GRM7: variants seen among roughly 807,000 people sequenced by gnomAD.
The protein encoded by GRM7 is glutamate metabotropic receptor 7.
A neutral mutation model predicts 84.5 loss-of-function variants in GRM7; 35 were observed. The ratio of observed to expected loss-of-function variants is 0.41; its 90% CI spans 0.32 to 0.55. The LOEUF (loss-of-function observed/expected upper bound fraction) is 0.55. Ranked by LOEUF, GRM7 falls within the 20% of genes least tolerant of loss-of-function variation. The pLI is 0.19. For missense variants in GRM7, 1,003 were observed against 1,194.6 expected (o/e 0.84, Z 2.36); for synonymous variants, 487 against 455.1 (o/e 1.07, Z -0.89).
intron 4 of GRM7, among the ~76,000 whole-genome samples, chr3:7,324,541 G>C (rs1185015864): frequency 6.6e-6 from 1 of 152,112 alleles, no homozygotes; most frequent in Non-Finnish European, 1.5e-5. Context: ...CCATATGCCA[G>C]AGTAAAAGGT....
At chr3:7,554,285 G>T (rs1693647108) in intron 7 of GRM7, among the ~76,000 whole-genome samples, 1 of 152,162 alleles carries the variant, frequency 6.6e-6, no homozygotes, top group African/African-American at 2.4e-5. Context: ...TCACACTGGG[G>T]AGGAAACTCT....
chr3:7,471,513 G>A (rs551845156), intron 7 of GRM7, among the ~76,000 whole-genome samples: 10 of 152,204 alleles, frequency 6.6e-5, no homozygotes, highest in South Asian at 2.1e-4. Flanking sequence ...CTCAAAGCTG[G>A]CAATGGCAGG....
At chr3:7,306,032 T>C (rs1272667810) in intron 3 of GRM7, among the ~76,000 whole-genome samples, 2 of 152,228 alleles carry the variant, frequency 1.3e-5, no homozygotes, top group East Asian at 3.8e-4. Context: ...CTGTTTATTT[T>C]AATAAATAAT....
chr3:7,045,198 C>T (rs990701357), intron 1 of GRM7, among the ~76,000 whole-genome samples: 2 of 152,132 alleles, frequency 1.3e-5, no homozygotes, highest in African/African-American at 4.8e-5. Flanking sequence ...ACAAAATCTC[C>T]ATGGTATAAC....
At chr3:6,919,768 T>G (rs1239829333) in intron 1 of GRM7, among the ~76,000 whole-genome samples, 1 of 152,188 alleles carries the variant, frequency 6.6e-6, no homozygotes, top group African/African-American at 2.4e-5. Flanking sequence ...TTCTAAATTA[T>G]TTAATTTTTG....
chr3:7,198,636 G>T (rs867083588), intron 2 of GRM7, among the ~76,000 whole-genome samples: 3 of 152,228 alleles, frequency 2.0e-5, no homozygotes, highest in Middle Eastern at 3.4e-3. Flanking sequence ...GCCTATGTTG[G>T]GCAAAATTAT....
At chr3:7,177,807 C>T (rs1695204977) in intron 2 of GRM7, among the ~76,000 whole-genome samples, 2 of 152,130 alleles carry the variant, frequency 1.3e-5, no homozygotes, top group African/African-American at 4.8e-5. Context: ...TTATCATTAC[C>T]TATAACTTAC....
chr3:7,119,865 C>T (rs113489723), intron 1 of GRM7, among the ~76,000 whole-genome samples: 19 of 152,130 alleles, frequency 1.2e-4, no homozygotes, highest in African/African-American at 3.9e-4. Context: ...AAATTATGGG[C>T]GCTTCTGATT....
rs188590895 is a variant in GRM7 at position 7,409,236 on chromosome 3, T to C, written c.1034-5787T>C. ...TTTCAGCATTCTCTTGGTTCTGATA[T>C]TTTTCTGTATGAACTTTAAAAGCAA... On this transcript the variant is annotated intron_variant, in intron 4 of 9. Coordinates refer to ENST00000357716, the MANE Select transcript of GRM7 (RefSeq NM_000844.4). Among the ~76,000 whole-genome samples the C allele has an allele frequency of 9.0e-4, 137 of 152,324 alleles. 1 individual carries two copies. The highest frequency in any genetic ancestry group is 5.0e-4 in the Non-Finnish European group (34 of 68,028).
intron 1 of GRM7, among the ~76,000 whole-genome samples, chr3:6,877,661 T>G (rs1574958172): frequency 6.6e-6 from 1 of 152,164 alleles, no homozygotes; most frequent in East Asian, 1.9e-4. Context: ...ACATTCCGCT[T>G]GTATGAGTAG....
chr3:6,900,434 C>T (rs1480513333), intron 1 of GRM7, among the ~76,000 whole-genome samples: 1 of 152,030 alleles, frequency 6.6e-6, no homozygotes, highest in Non-Finnish European at 1.5e-5. Context: ...TGCACTTAGA[C>T]ACCACTTAAA....
intron 8 of GRM7, among the ~76,000 whole-genome samples, chr3:7,586,006 C>G (rs1695502551): frequency 1.3e-5 from 2 of 152,200 alleles, no homozygotes; most frequent in African/African-American, 2.4e-5. Flanking sequence ...TTCTTCTACT[C>G]CACCATCCTA....
intron 1 of GRM7, among the ~76,000 whole-genome samples, chr3:7,020,592 C>A (rs200026028): frequency 6.6e-6 from 1 of 152,214 alleles, no homozygotes; most frequent in Admixed American, 6.5e-5. Flanking sequence ...GGTACCCACA[C>A]AATTAGTATA....
rs1474934866 is a variant in GRM7, at chr3:7,125,136, C to T, written c.520-21316C>T. Among the ~76,000 whole-genome samples, 14 of 152,168 alleles carry T rather than the reference C, an allele frequency of 9.2e-5. No homozygotes were observed. The South Asian group carries it at 1.0e-3, about 11-fold the overall frequency. On this transcript the variant is annotated intron_variant, in intron 1 of 9. Coordinates refer to ENST00000357716, the MANE Select transcript of GRM7 (RefSeq NM_000844.4). ...TGTATTTTTAGTAGATATGGGGTTTCGCCTTGTTGGCCAGGCTGGTCTCAA... is the reference window on the plus strand; with the variant it reads ...TGTATTTTTAGTAGATATGGGGTTTTGCCTTGTTGGCCAGGCTGGTCTCAA...
At chr3:7,511,010 G>A (rs544068542) in intron 7 of GRM7, among the ~76,000 whole-genome samples, 3 of 152,162 alleles carry the variant, frequency 2.0e-5, no homozygotes, top group Admixed American at 6.5e-5. Context: ...CAAGACCTTA[G>A]GGTGGTCAGA....
rs145863581 is a variant in GRM7, at chr3:7,051,522, T to C, written c.520-94930T>C. Among the ~76,000 whole-genome samples the C allele has an allele frequency of 4.9e-3, 745 of 151,918 alleles. 7 individuals are homozygous for C. Among genetic ancestry groups the C allele is most frequent in the African/African-American group, 0.017 (713 of 41,532 alleles). On this transcript the variant is annotated intron_variant, in intron 1 of 9. Transcript: ENST00000357716. ...AAAGAGACTCTAGCTGTGGAACATATGCTATCAATTGAATCTTGAACTGAT... is the reference window on the plus strand; with the variant it reads ...AAAGAGACTCTAGCTGTGGAACATACGCTATCAATTGAATCTTGAACTGAT...
intron 7 of GRM7, among the ~76,000 whole-genome samples, chr3:7,509,215 A>G (rs1700124002): frequency 6.6e-6 from 1 of 151,742 alleles, no homozygotes; most frequent in Admixed American, 6.6e-5. Flanking sequence ...AGATATTTTG[A>G]GAGAGAGAGA....
chr3:7,658,468 C>A (rs1044034005), intron 8 of GRM7, among the ~76,000 whole-genome samples: 2 of 152,060 alleles, frequency 1.3e-5, no homozygotes, highest in Admixed American at 1.3e-4. Flanking sequence ...CTTATCTTTC[C>A]CACTCATGCA....
chr3:7,404,588 C>T (rs949473599), intron 4 of GRM7, among the ~76,000 whole-genome samples: 1 of 152,034 alleles, frequency 6.6e-6, no homozygotes, highest in Non-Finnish European at 1.5e-5. Flanking sequence ...TGGAATCTAC[C>T]AATCCTACGG....
Sources: allele counts gnomAD v4.1 joint callset (sites outside exome capture counted in the v4.1 genomes callset), GRCh38; gene constraint gnomAD v4.1.1; transcripts MANE v1.5; gene names NCBI Gene and HGNC (gene_info 2026-07-23, HGNC 2026-07-21).